Variants in ZNF761 observed in about 807,000 individuals in gnomAD.
ZNF761 encodes zinc finger protein 761.
Under a neutral mutation model 59.9 loss-of-function variants are expected in ZNF761, and 43 were observed. The ratio of observed to expected loss-of-function variants is 0.72; its 90% CI spans 0.56 to 0.92. The LOEUF (loss-of-function observed/expected upper bound fraction) is 0.92. ZNF761 is among the 40% of genes least tolerant of loss of function. ZNF761 has a pLI of 0.00. For missense variants in ZNF761, 850 were observed against 906.1 expected, an observed-to-expected ratio of 0.94 and a Z score of 0.79; for synonymous variants, 294 against 304.8, an observed-to-expected ratio of 0.96 and a Z score of 0.37.
At position 53,454,930 on chromosome 19, in the gene ZNF761, A is replaced by G. The variant is rs1205731247; in HGVS notation, c.423A>G (p.Gly141=). ...ACAAGCCTATTAAAGATCAGCTTGG[A>G]TCAAGCTTTCATTCGCATCTGCCTG... ...ARNKPIKDQL[G]SSFHSHLPEM... Residue 141 remains glycine (G), a synonymous_variant, in exon 5 of 5, where the codon GGA becomes GGG. Coordinates refer to ENST00000684525, the MANE Select transcript of ZNF761 (RefSeq NM_001289951.2). The G allele has an allele frequency of 1.2e-6, 2 of 1,614,198 alleles. No homozygotes were observed. Among genetic ancestry groups the G allele is most frequent in the Non-Finnish European group, 1.7e-6 (2 of 1,180,034 alleles).
rs192193894 is a variant in ZNF761 at position 53,456,175 on chromosome 19, C to T, written c.1668C>T (p.Gly556=). The stretch of plus-strand genomic sequence containing the variant: ...AACCTTACAAGTGTAAGGAGTGTGG[C>T]AAGACCTTCAATCAGCAGTTAACCC... The part of the protein sequence containing the change: ...GEKPYKCKEC[G]KTFNQQLTLK... Residue 556 remains glycine (G), a synonymous_variant, in exon 5 of 5, where the codon GGC becomes GGT. Transcript: ENST00000684525. The T allele has an allele frequency of 1.5e-5, 24 of 1,613,818 alleles. No individual in the cohort carries two copies. Among genetic ancestry groups the T allele is most frequent in the South Asian group, 1.1e-5 (1 of 91,056 alleles).
At chr19:53,452,328 C>A (rs771382590) in intron 4 of ZNF761, among the ~76,000 whole-genome samples, 1 of 152,134 alleles carries the variant, frequency 6.6e-6, no homozygotes, top group African/African-American at 2.4e-5. Context: ...ACCAAAAATA[C>A]AAAAATTAGC....
Position 53,455,926 on chromosome 19 carries a change from A to G in ZNF761, c.1419A>G (p.Lys473=). 6.2e-7 allele frequency: 1 copy of G among 1,613,186 alleles called. No homozygotes were observed. The highest frequency in any genetic ancestry group is 8.5e-7 in the Non-Finnish European group (1 of 1,179,764). The part of the protein sequence containing the change: ...EQPYKCEECD[K]AFRFKSNLER... The stretch of plus-strand genomic sequence containing the variant: ...CTTACAAATGTGAAGAATGTGACAA[A>G]GCTTTCCGTTTCAAATCAAACCTTG... The change falls in exon 5 of 5, where the codon AAA becomes AAG. Residue 473 remains lysine (K), a synonymous_variant. Coordinates refer to ENST00000684525, the MANE Select transcript of ZNF761 (RefSeq NM_001289951.2).
At chr19:53,450,069 C>T (rs978974658) in intron 4 of ZNF761, 22 of 362,922 alleles carry the variant, frequency 6.1e-5, no homozygotes, top group Non-Finnish European at 9.4e-5. Flanking sequence ...CTTTGGGAGG[C>T]CAAGGTGGGT....
chr19:53,452,863 T>C (rs2086233176), intron 4 of ZNF761, among the ~76,000 whole-genome samples: 1 of 152,268 alleles, frequency 6.6e-6, no homozygotes, highest in Admixed American at 6.5e-5. Context: ...TTTTGGAGAA[T>C]AAGAACTCTG....
chr19:53,450,656 GTTC>G (rs1435230454), intron 4 of ZNF761, among the ~76,000 whole-genome samples: 2 of 152,068 alleles, frequency 1.3e-5, no homozygotes, highest in Admixed American at 1.3e-4. Flanking sequence ...CAAGGCTACA[GTTC>G]AGTGGTACGA....
intron 1 of ZNF761, among the ~76,000 whole-genome samples, chr19:53,440,341 G>T (rs536899750): frequency 6.6e-6 from 1 of 152,116 alleles, no homozygotes; most frequent in Non-Finnish European, 1.5e-5. Flanking sequence ...AAGAATAAAA[G>T]GGGTGGGGGA....
At chr19:53,433,865 A>G (rs761931547) in intron 1 of ZNF761, among the ~76,000 whole-genome samples, 29 of 151,338 alleles carry the variant, frequency 1.9e-4, no homozygotes, top group Non-Finnish European at 2.1e-4. Flanking sequence ...TCAAGAGTCT[A>G]TTTTGTCTAA....
At chr19:53,438,912 G>T (rs2086070013) in intron 1 of ZNF761, among the ~76,000 whole-genome samples, 1 of 152,198 alleles carries the variant, frequency 6.6e-6, no homozygotes, top group Non-Finnish European at 1.5e-5. Flanking sequence ...TCTATGTACT[G>T]CAACAAGGCA....
Position 53,455,003 on chromosome 19 carries a change from A to G in ZNF761, c.496A>G (p.Lys166Glu). ...AGAGAAAATTGATAATCAAGTTGTG[A>G]AGTCTGTCCACGATGCTTCCTTGGT... is the stretch of plus-strand genomic sequence containing the variant. ...TEEKIDNQVV[K>E]SVHDASLVST... is the part of the protein sequence containing the mutation. The change falls in exon 5 of 5, where the codon AAG becomes GAG. Residue 166 changes from lysine (K) to glutamate (E), a missense_variant. Coordinates refer to ENST00000684525, the MANE Select transcript of ZNF761 (RefSeq NM_001289951.2). 6.2e-7 allele frequency: 1 copy of G among 1,614,178 alleles called. No homozygotes were observed. The highest frequency in any genetic ancestry group is 8.5e-7 in the Non-Finnish European group (1 of 1,180,036).
At chr19:53,435,527 T>G (rs1253188632) in intron 1 of ZNF761, among the ~76,000 whole-genome samples, 1 of 151,728 alleles carries the variant, frequency 6.6e-6, no homozygotes, top group Non-Finnish European at 1.5e-5. Flanking sequence ...GGTCTCGAAC[T>G]CCCGACCTCA....
Position 53,456,120 on chromosome 19 carries a change from C to G in ZNF761, c.1613C>G (p.Thr538Ser). The change falls in exon 5 of 5, where the codon ACC (threonine) becomes AGC (serine). Residue 538 changes from threonine (T) to serine (S), a missense_variant. Thr to Ser is a moderately conservative substitution (Grantham distance 58). Coordinates refer to ENST00000684525, the MANE Select transcript of ZNF761 (RefSeq NM_001289951.2). The part of the protein sequence containing the change: ...GKTFSWKSSL[T>S]CHRRLHSGEK... The stretch of plus-strand genomic sequence containing the variant: ...ACCTTTAGTTGGAAGTCATCCCTTA[C>G]CTGCCATCGTAGACTTCATTCTGGA... 6.2e-7 allele frequency: 1 copy of G among 1,603,186 alleles called. No homozygotes were observed. The highest frequency in any genetic ancestry group is 8.5e-7 in the Non-Finnish European group (1 of 1,172,578).
At chr19:53,444,237 CTT>C (rs1315814356) in intron 1 of ZNF761, 2 of 152,194 alleles carry the variant, frequency 1.3e-5, no homozygotes, top group Non-Finnish European at 2.9e-5. Context: ...AGGAAGACCT[CTT>C]TGCAGTTGAG....
At chr19:53,453,066 A>G (rs2086234790) in intron 4 of ZNF761, among the ~76,000 whole-genome samples, 1 of 152,216 alleles carries the variant, frequency 6.6e-6, no homozygotes. Flanking sequence ...CACAGGTGCA[A>G]TCTCGGCTTA....
Position 53,456,864 on chromosome 19 carries a change from A to G in ZNF761, c.*116A>G. 1 of 1,185,260 alleles carries G rather than the reference A, an allele frequency of 8.4e-7. No homozygotes were observed. Among genetic ancestry groups the G allele is most frequent in the Non-Finnish European group, 1.2e-6 (1 of 821,982 alleles). The allele number at this position is 1,185,260 out of a possible 1,614,324, so 73.4% of individuals were successfully genotyped here. Reference sequence around the variant, plus strand: ...TGATAAAGTTTACAGTGGCAAATCAAGCCTCAGAAGACAGGAGAATTCATA... The same window carrying G: ...TGATAAAGTTTACAGTGGCAAATCAGGCCTCAGAAGACAGGAGAATTCATA... On this transcript the variant is annotated 3_prime_UTR_variant, in exon 5 of 5. Transcript: ENST00000684525.
At chr19:53,440,319 A>G (rs2086085589) in intron 1 of ZNF761, among the ~76,000 whole-genome samples, 1 of 152,124 alleles carries the variant, frequency 6.6e-6, no homozygotes, top group Non-Finnish European at 1.5e-5. Flanking sequence ...ACAGAGTGAG[A>G]CCCTGTCTCA....
In ZNF761 at chr19:53,447,122, TTGTA is replaced by T. The variant is rs1299327481; in HGVS notation, c.-73-70_-73-67del. 10 of 987,988 alleles carry T rather than the reference TTGTA, an allele frequency of 1.0e-5. No individual in the cohort carries two copies. In the East Asian group the frequency reaches 1.0e-4, roughly 10 times the overall value. 61.2% of individuals were successfully genotyped at this position (987,988 alleles called of 1,614,324 possible). A position where few individuals can be genotyped will look rare whatever the true frequency, so the allele number is the denominator to read the frequency against. On this transcript the variant is annotated intron_variant, in intron 2 of 4. Transcript: ENST00000684525. ...CATATTTCCCAGGGTGAGGTCGCCT[TTGTA>T]TGTGTGGTTGTGTTCCACGGAGGTG... is the stretch of plus-strand genomic sequence containing the variant.
In ZNF761 at chr19:53,447,332, T is replaced by C. The variant is rs374842464; in HGVS notation, c.15+49T>C. The C allele has an allele frequency of 3.9e-5, 63 of 1,606,840 alleles. 1 individual carries two copies. The highest frequency in any genetic ancestry group is 2.3e-4 in the African/African-American group (17 of 74,734). On this transcript the variant is annotated intron_variant, in intron 3 of 4. Transcript: ENST00000684525. ...TGTTCTGTCTCCTTCCTTTCAGAAATGCTGGGCCTTGGAGTTGGGAATCTT... is the reference window on the plus strand; with the variant it reads ...TGTTCTGTCTCCTTCCTTTCAGAAACGCTGGGCCTTGGAGTTGGGAATCTT...
chr19:53,457,637 T>C lies in ZNF761; in HGVS notation c.*889T>C. ...CATTAGGGTCAATTCAGCATTGACT[T>C]GAGTTTGTATTGACTTAACATTGAG... On this transcript the variant is annotated 3_prime_UTR_variant, in exon 5 of 5. Transcript: ENST00000684525. 1 of 257,418 alleles carries C rather than the reference T, an allele frequency of 3.9e-6. No homozygotes were observed. Among genetic ancestry groups the C allele is most frequent in the Admixed American group, 5.2e-5 (1 of 19,122 alleles). The allele number at this position is 257,418 out of a possible 1,614,324, so 15.9% of individuals were successfully genotyped here. A position where few individuals can be genotyped will look rare whatever the true frequency, so the allele number is the denominator to read the frequency against.
Sources: gnomAD v4.1 joint callset for allele counts (sites outside exome capture counted in the v4.1 genomes callset) on GRCh38, gnomAD v4.1.1 for gene constraint, MANE v1.5 for transcripts, NCBI Gene and HGNC (gene_info 2026-07-23, HGNC 2026-07-21) for gene names.